CSMD1: variants seen among roughly 807,000 people sequenced by gnomAD.
CSMD1 encodes the protein CUB and sushi domain-containing protein 1.
In CSMD1, 213 loss-of-function variants were observed where a neutral mutation model predicts 417.5. That is an observed-to-expected ratio of 0.51 (90% CI 0.46 to 0.57). CSMD1 has a LOEUF of 0.57. Ranked by LOEUF, CSMD1 falls within the 20% of genes least tolerant of loss-of-function variation. The pLI, the probability that CSMD1 is intolerant of heterozygous loss-of-function variation, is 0.00. For synonymous variants in CSMD1, 2,862 were observed against 1,736.8 expected (o/e 1.65, Z -16.11); for missense variants, 6,923 against 4,529.7 (o/e 1.53, Z -15.17).
rs565680213 is a variant in CSMD1 at position 4,697,310 on chromosome 8, T to C, written c.86-59752A>G. On this transcript the variant is annotated intron_variant, in intron 1 of 69. Coordinates refer to ENST00000635120, the MANE Select transcript of CSMD1 (RefSeq NM_033225.6). ...AACAAGAGGACCACCTGGACTTAGT[T>C]ATCATTGCCCTTCTCACCAAAAGTT... Among the ~76,000 whole-genome samples the C allele has an allele frequency of 2.0e-4, 30 of 152,326 alleles. No individual in the cohort carries two copies. In the South Asian group the frequency reaches 5.8e-3, roughly 29 times the overall value.
At chr8:3,953,341 G>C (rs188414719) in intron 5 of CSMD1, among the ~76,000 whole-genome samples, 10 of 152,274 alleles carry the variant, frequency 6.6e-5, no homozygotes, top group African/African-American at 1.9e-4. Context: ...TACATAGTAT[G>C]TATAAACATT....
intron 3 of CSMD1, among the ~76,000 whole-genome samples, chr8:4,116,024 G>A (rs1435813217): frequency 2.7e-5 from 4 of 148,228 alleles, no homozygotes; most frequent in South Asian, 4.3e-4. Context: ...TTATGGAGAG[G>A]GAGTCTCACT....
intron 59 of CSMD1, among the ~76,000 whole-genome samples, chr8:2,965,261 G>A (rs968382485): frequency 6.6e-6 from 1 of 152,122 alleles, no homozygotes; most frequent in Non-Finnish European, 1.5e-5. Context: ...AGTCACATAA[G>A]TCATAAACCT....
At chr8:3,606,403 T>C (rs1801616237) in intron 8 of CSMD1, among the ~76,000 whole-genome samples, 1 of 152,166 alleles carries the variant, frequency 6.6e-6, no homozygotes, top group Admixed American at 6.5e-5. Context: ...TGTAGGCAAT[T>C]GAACACAATG....
intron 50 of CSMD1, among the ~76,000 whole-genome samples, chr8:3,037,735 A>G (rs1390960185): frequency 1.3e-5 from 2 of 152,216 alleles, no homozygotes; most frequent in Non-Finnish European, 2.9e-5. Flanking sequence ...GTTATCTAGA[A>G]TAAGAGTAGA....
chr8:3,867,920 C>T lies in CSMD1; in HGVS notation c.819-113878G>A, dbSNP rs563818032. The stretch of plus-strand genomic sequence containing the variant: ...ACTCTGTGTCACCTCCGCCTCCTGC[C>T]TGGACACCCTTACAGCCAATCTTTG... On this transcript the variant is annotated intron_variant, in intron 5 of 69. Transcript: ENST00000635120. Among the ~76,000 whole-genome samples the T allele has an allele frequency of 1.5e-3, 226 of 152,156 alleles. 7 individuals are homozygous for T. The South Asian group carries it at 0.046, about 31-fold the overall frequency.
intron 3 of CSMD1, among the ~76,000 whole-genome samples, chr8:4,209,666 G>C (rs188719890): frequency 1.3e-5 from 2 of 152,256 alleles, no homozygotes; most frequent in East Asian, 1.9e-4. Flanking sequence ...GCTTCACCCA[G>C]GAAGGAAATC....
intron 3 of CSMD1, among the ~76,000 whole-genome samples, chr8:4,278,719 T>G (rs955513731): frequency 2.0e-5 from 3 of 152,222 alleles, no homozygotes; most frequent in Non-Finnish European, 4.4e-5. Context: ...GCTTGTAACT[T>G]GCTGCCACTA....
intron 57 of CSMD1, among the ~76,000 whole-genome samples, chr8:2,970,220 C>A (rs554383809): frequency 3.9e-5 from 6 of 152,254 alleles, no homozygotes; most frequent in African/African-American, 1.4e-4. Context: ...GCCTTCATAG[C>A]CCCACAGAGG....
chr8:4,201,060 A>G (rs374314287), intron 3 of CSMD1, among the ~76,000 whole-genome samples: 4 of 152,300 alleles, frequency 2.6e-5, no homozygotes, highest in East Asian at 3.9e-4. Flanking sequence ...ACCATTCACT[A>G]CTTTCTACCT....
intron 25 of CSMD1, among the ~76,000 whole-genome samples, chr8:3,290,789 C>T (rs1288350768): frequency 1.4e-5 from 2 of 148,100 alleles, no homozygotes; most frequent in Non-Finnish European, 2.9e-5. Flanking sequence ...AATTTGACTT[C>T]CTCTTTTCCT....
intron 1 of CSMD1, among the ~76,000 whole-genome samples, chr8:4,917,760 C>A (rs117868080): frequency 0.026 from 3,922 of 152,326 alleles, 71 homozygotes; most frequent in Non-Finnish European, 0.038. Flanking sequence ...GCCAAGTTCA[C>A]AATACCTAAT....
intron 5 of CSMD1, among the ~76,000 whole-genome samples, chr8:3,855,604 G>A (rs1406918660): frequency 6.6e-6 from 1 of 152,148 alleles, no homozygotes; most frequent in African/African-American, 2.4e-5. Context: ...CCAGATGACT[G>A]AGTATGCTAA....
At chr8:3,266,693 T>TG (rs1202526879) in intron 26 of CSMD1, among the ~76,000 whole-genome samples, 1 of 149,748 alleles carries the variant, frequency 6.7e-6, no homozygotes, top group Non-Finnish European at 1.5e-5. Context: ...GAGAACCGCT[T>TG]GAACCCAGGA....
chr8:3,152,627 T>G (rs1033282656), intron 39 of CSMD1, among the ~76,000 whole-genome samples: 1 of 152,234 alleles, frequency 6.6e-6, no homozygotes, highest in Non-Finnish European at 1.5e-5. Context: ...TATTCTGGAT[T>G]TCAAACATTG....
chr8:4,702,220 T>G (rs1319900512), intron 1 of CSMD1, among the ~76,000 whole-genome samples: 2 of 152,308 alleles, frequency 1.3e-5, no homozygotes, highest in East Asian at 3.9e-4. Flanking sequence ...CATGTTTACC[T>G]TTGGAACAAA....
intron 21 of CSMD1, among the ~76,000 whole-genome samples, chr8:3,354,809 C>CTA (rs555723747): frequency 0.088 from 8,630 of 97,846 alleles, 335 homozygotes; most frequent in African/African-American, 0.15. Context: ...CTCTCTCTCT[C>CTA]TCTATATATA....
chr8:3,359,113 C>T, intron 21 of CSMD1, 39 bp downstream of exon 21: 1 of 1,602,160 alleles, frequency 6.2e-7, no homozygotes, highest in Non-Finnish European at 8.5e-7. Flanking sequence ...TAGACCCTGC[C>T]CCCATGGATG....
intron 5 of CSMD1, among the ~76,000 whole-genome samples, chr8:3,789,219 T>C (rs1002815731): frequency 1.3e-5 from 2 of 152,120 alleles, no homozygotes; most frequent in South Asian, 4.1e-4. Context: ...AGCAAGATAG[T>C]GGGCCCTCAC....
Sources: gnomAD v4.1 joint callset for allele counts (sites outside exome capture counted in the v4.1 genomes callset) on GRCh38, gnomAD v4.1.1 for gene constraint, MANE v1.5 for transcripts, NCBI Gene and HGNC (gene_info 2026-07-23, HGNC 2026-07-21) for gene names.